Variants in UBASH3A observed in about 807,000 individuals in gnomAD.
UBASH3A encodes the protein ubiquitin-associated and SH3 domain-containing protein A.
Under a neutral mutation model 73.5 loss-of-function variants are expected in UBASH3A, and 63 were observed. The ratio of observed to expected loss-of-function variants is 0.86; its 90% CI spans 0.70 to 1.06. The LOEUF is 1.06. Ranked by LOEUF, UBASH3A falls within the 50% of genes least tolerant of loss-of-function variation. The probability of loss-of-function intolerance (pLI) is 0.00; values close to 1 mark genes in which losing one functional copy is unlikely to be tolerated. For missense variants in UBASH3A, 860 were observed against 859.0 expected, an observed-to-expected ratio of 1.00 and a Z score of -0.02; for synonymous variants, 363 against 351.1, an observed-to-expected ratio of 1.03 and a Z score of -0.38.
chr21:42,404,109 AC>A (rs2052919197), intron 1 of UBASH3A, 51 bp downstream of exon 1: 1 of 1,131,964 alleles, frequency 8.8e-7, no homozygotes, highest in Non-Finnish European at 1.2e-6. Flanking sequence ...CTGGTGCCAG[AC>A]CCTGCTGCGG....
intron 12 of UBASH3A, among the ~76,000 whole-genome samples, chr21:42,442,964 C>G (rs1226147503): frequency 1.3e-5 from 2 of 152,184 alleles, no homozygotes; most frequent in African/African-American, 4.8e-5. Flanking sequence ...TAAACTCACT[C>G]TGCAAGAACA....
chr21:42,404,703 C>A (rs1222911358), intron 1 of UBASH3A, among the ~76,000 whole-genome samples: 3 of 152,248 alleles, frequency 2.0e-5, no homozygotes, highest in Admixed American at 2.0e-4. Context: ...GACCAACTGT[C>A]AGCAGGGCTG....
chr21:42,406,121 A>G (rs1040733101), intron 1 of UBASH3A, among the ~76,000 whole-genome samples, 187 bp from the exon 2 acceptor site: 1 of 151,926 alleles, frequency 6.6e-6, no homozygotes, highest in Admixed American at 6.6e-5. Context: ...GCTGGTCAGC[A>G]TTGTCCAAAA....
chr21:42,418,843 T>C (rs2053276483), intron 7 of UBASH3A, among the ~76,000 whole-genome samples: 3 of 152,362 alleles, frequency 2.0e-5, no homozygotes, highest in South Asian at 4.1e-4. Flanking sequence ...TTTGAGATGG[T>C]AATCCCCAAA....
At chr21:42,415,589 A>C (rs2053185193) in intron 5 of UBASH3A, among the ~76,000 whole-genome samples, 1 of 152,160 alleles carries the variant, frequency 6.6e-6, no homozygotes, top group Non-Finnish European at 1.5e-5. Context: ...ACGTCTGTGC[A>C]CCGACACGGC....
At chr21:42,432,832 C>G (rs2053559244) in intron 9 of UBASH3A, among the ~76,000 whole-genome samples, 1 of 152,180 alleles carries the variant, frequency 6.6e-6, no homozygotes, top group South Asian at 2.1e-4. Flanking sequence ...ACATCATGAT[C>G]AAGCATATTT....
chr21:42,447,367 C>T lies in UBASH3A; in HGVS notation c.*173C>T. On this transcript the variant is annotated 3_prime_UTR_variant, in exon 15 of 15. Coordinates refer to ENST00000319294, the MANE Select transcript of UBASH3A (RefSeq NM_018961.4). The stretch of plus-strand genomic sequence containing the variant: ...TTCCCTCCGGCTTTCGCCTTTGTAA[C>T]TCCCATCTGTGGACCCATCGTCCAC... 1 of 708,916 alleles carries T rather than the reference C, an allele frequency of 1.4e-6. No individual in the cohort carries two copies. Among genetic ancestry groups the T allele is most frequent in the Non-Finnish European group, 2.2e-6 (1 of 449,842 alleles). The allele number at this position is 708,916 out of a possible 1,614,324, so 43.9% of individuals were successfully genotyped here. A position where few individuals can be genotyped will look rare whatever the true frequency, so the allele number is the denominator to read the frequency against.
chr21:42,444,911 G>A (rs568514174), intron 14 of UBASH3A, among the ~76,000 whole-genome samples: 1 of 151,458 alleles, frequency 6.6e-6, no homozygotes, highest in Non-Finnish European at 1.5e-5. Context: ...TGCAGCTCTC[G>A]TAGAAAAACA....
intron 11 of UBASH3A, among the ~76,000 whole-genome samples, chr21:42,440,733 T>C (rs2053726113): frequency 6.6e-6 from 1 of 152,238 alleles, no homozygotes; most frequent in South Asian, 2.1e-4. Flanking sequence ...TGCCTCAGCC[T>C]GCAAGTTTCC....
At chr21:42,417,771 A>T (rs1303504069) in intron 6 of UBASH3A, among the ~76,000 whole-genome samples, 2 of 151,110 alleles carry the variant, frequency 1.3e-5, no homozygotes, top group Non-Finnish European at 3.0e-5. Flanking sequence ...AGGAAGGCGG[A>T]TGTGAAAGTC....
At chr21:42,435,934 GAGTTATAGAGTT>G (rs1568934926) in intron 10 of UBASH3A, among the ~76,000 whole-genome samples, 1 of 151,970 alleles carries the variant, frequency 6.6e-6, no homozygotes, top group Non-Finnish European at 1.5e-5. Flanking sequence ...TAGAGTCATA[GAGTTATAGAGTT>G]AGTTATAGAG....
chr21:42,445,532 A>C (rs1356603600), intron 14 of UBASH3A, among the ~76,000 whole-genome samples: 1 of 152,018 alleles, frequency 6.6e-6, no homozygotes, highest in Non-Finnish European at 1.5e-5. Flanking sequence ...GAGGAGCCCA[A>C]CTCCCGGGCC....
At position 42,437,487 on chromosome 21, in the gene UBASH3A, G is replaced by A. The variant is rs1391513731; in HGVS notation, c.1394-1G>A. The A allele has an allele frequency of 1.2e-6, 2 of 1,613,934 alleles. No individual in the cohort carries two copies. Among genetic ancestry groups the A allele is most frequent in the East Asian group, 2.2e-5 (1 of 44,902 alleles). On this transcript the variant is annotated splice_acceptor_variant, in intron 10 of 14. Coordinates refer to ENST00000319294, the MANE Select transcript of UBASH3A (RefSeq NM_018961.4). LOFTEE classifies it high-confidence loss of function. ...TTTCTGCCTTTTTCACTATTTTCCAGGGGACGCGCTACTGGACAGTGGTAT... is the reference window on the plus strand; with the variant it reads ...TTTCTGCCTTTTTCACTATTTTCCAAGGGACGCGCTACTGGACAGTGGTAT...
chr21:42,426,401 C>A (rs1377527511), intron 7 of UBASH3A, among the ~76,000 whole-genome samples: 1 of 152,312 alleles, frequency 6.6e-6, no homozygotes, highest in East Asian at 1.9e-4. Context: ...TAAAAAAATA[C>A]CTTCACAGTG....
rs893880411 is a variant in UBASH3A at position 42,413,731 on chromosome 21, C to A, written c.667+208C>A. Among the ~76,000 whole-genome samples, 2 of 152,128 alleles carry A rather than the reference C, an allele frequency of 1.3e-5. No homozygotes were observed. Among genetic ancestry groups the A allele is most frequent in the Non-Finnish European group, 2.9e-5 (2 of 68,034 alleles). ...ACACAGGGAGTCAGGGCCTCCCCACCCCAGCCTTGAGTGGGAGACACACAA... is the reference window on the plus strand; with the variant it reads ...ACACAGGGAGTCAGGGCCTCCCCACACCAGCCTTGAGTGGGAGACACACAA... On this transcript the variant is annotated intron_variant, in intron 5 of 14. Coordinates refer to ENST00000319294, the MANE Select transcript of UBASH3A (RefSeq NM_018961.4). This position sits in a 1 kb window ranked among gnomAD's most constrained non-coding sequence, Gnocchi z 4.5.
At chr21:42,437,899 T>C (rs1013627225) in intron 11 of UBASH3A, among the ~76,000 whole-genome samples, 2 of 152,170 alleles carry the variant, frequency 1.3e-5, no homozygotes, top group African/African-American at 4.8e-5. Flanking sequence ...TTCGAAAACC[T>C]TGAGAGCTGG....
intron 6 of UBASH3A, among the ~76,000 whole-genome samples, chr21:42,417,312 T>C (rs1310579044): frequency 6.7e-6 from 1 of 149,394 alleles, no homozygotes; most frequent in Admixed American, 6.8e-5. Flanking sequence ...TAATCCCAGC[T>C]ACTCGGGAGG....
intron 6 of UBASH3A, 34 bp downstream of exon 6, chr21:42,416,645 G>T (rs771083868): frequency 2.0e-6 from 3 of 1,478,976 alleles, no homozygotes; most frequent in East Asian, 2.8e-5. Context: ...ATAAGAAGCA[G>T]ATGAATGGGC....
At chr21:42,418,369 C>A (rs765952763) in intron 6 of UBASH3A, 32 bp from the exon 7 acceptor site, 1 of 1,590,806 alleles carries the variant, frequency 6.3e-7, no homozygotes, top group East Asian at 2.3e-5. Flanking sequence ...AATCTTTGCT[C>A]GAGACGTGAA....
Sources: allele counts gnomAD v4.1 joint callset (sites outside exome capture counted in the v4.1 genomes callset), GRCh38; gene constraint gnomAD v4.1.1; non-coding constraint Gnocchi (gnomAD v3.1); transcripts MANE v1.5; gene names NCBI Gene and HGNC (gene_info 2026-07-23, HGNC 2026-07-21).